The following OTOG variants were observed in gnomAD, a reference collection of about 807,000 sequenced individuals.
The protein encoded by OTOG is otogelin.
In OTOG, 296 loss-of-function variants were observed where a neutral mutation model predicts 313.8. The ratio of observed to expected loss-of-function variants is 0.94; its 90% CI spans 0.86 to 1.04. The LOEUF (loss-of-function observed/expected upper bound fraction) is 1.04, where lower values mean the gene tolerates loss of function less well. Ranked by LOEUF, OTOG falls within the 50% of genes least tolerant of loss-of-function variation. The pLI, the probability that OTOG is intolerant of heterozygous loss-of-function variation, is 0.00. For missense variants in OTOG, 3,948 were observed against 3,840.1 expected (o/e 1.03, Z -0.74); for synonymous variants, 1,533 against 1,554.9 (o/e 0.99, Z 0.33).
chr11:17,605,809 C>T (rs1383531709), intron 32 of OTOG, 48 bp from the exon 33 acceptor site: 2 of 1,489,162 alleles, frequency 1.3e-6, no homozygotes, highest in African/African-American at 2.8e-5. Flanking sequence ...TTCCCGCAGC[C>T]ACCTGGACCT....
intron 23 of OTOG, 135 bp downstream of exon 23, chr11:17,578,661 G>A: frequency 1.7e-6 from 2 of 1,156,562 alleles, no homozygotes; most frequent in Non-Finnish European, 2.3e-6. Flanking sequence ...AGCCACAGCT[G>A]TAATGGCCAG....
At chr11:17,612,456 C>T (rs1005539966) in intron 37 of OTOG, 126 bp downstream of exon 37, 180 of 1,391,736 alleles carry the variant, frequency 1.3e-4, no homozygotes, top group Non-Finnish European at 1.5e-4. Context: ...AGATTTCCTA[C>T]GCTTGTGACC....
At position 17,634,201 on chromosome 11, in the gene OTOG, G is replaced by A. The variant is rs61743165; in HGVS notation, c.7400G>A (p.Arg2467His). ...VPVDLGCPSPRPESCLRFGEV... is the reference protein window; with the variant it reads ...VPVDLGCPSPHPESCLRFGEV... ...GTGGATCTGGGCTGCCCCAGTCCCC[G>A]CCCTGAGAGCTGCCTGCGATTCGGG... The change falls in exon 44 of 56, where the codon CGC (arginine) becomes CAC (histidine). Residue 2467 changes from arginine (R) to histidine (H), a missense_variant. Physicochemically the swap from Arg to His is conservative, Grantham distance 29 (BLOSUM62 0). Transcript: ENST00000399397. 0.038 allele frequency: 59,662 copies of A among 1,550,382 alleles called. 1,366 individuals are homozygous for A. Among genetic ancestry groups the A allele is most frequent in the South Asian group, 0.085 (7,128 of 84,046 alleles).
chr11:17,611,375 G>A lies in OTOG; in HGVS notation c.6075G>A (p.Ala2025=), dbSNP rs562628744. ...APALSIVEGL[A]EALATTTEAN... is the part of the protein sequence containing the mutation. ...CCCTGAGCATCGTAGAGGGTTTGGCGGAGGCTTTGGCAACTACCACTGAGG... is the reference window on the plus strand; with the variant it reads ...CCCTGAGCATCGTAGAGGGTTTGGCAGAGGCTTTGGCAACTACCACTGAGG... Residue 2025 remains alanine, a synonymous_variant, in exon 36 of 56, where the codon GCG becomes GCA. Coordinates refer to ENST00000399397, the MANE Select transcript of OTOG (RefSeq NM_001292063.2). 35 of 1,543,388 alleles carry A rather than the reference G, an allele frequency of 2.3e-5. No homozygotes were observed. The Admixed American group carries it at 3.4e-4, about 15-fold the overall frequency.
Position 17,586,554 on chromosome 11 carries a change from AC to A in OTOG, c.2842del (p.Gln948ArgfsTer2). On this transcript the variant is annotated frameshift_variant, in exon 24 of 56. Coordinates refer to ENST00000399397, the MANE Select transcript of OTOG (RefSeq NM_001292063.2). LOFTEE classifies it high-confidence loss of function. ...AAGGGGAAGGAGTATTTCCCTGGGG[AC>A]CAGGTGATGTCTCCTTGCCATACCT... ...TWKGKEYFPG[D>X]QVMSPCHTCV... The A allele has an allele frequency of 7.0e-7, 1 of 1,423,478 alleles. No individual in the cohort carries two copies. Among genetic ancestry groups the A allele is most frequent in the Non-Finnish European group, 9.2e-7 (1 of 1,084,112 alleles). The allele number at this position is 1,423,478 out of a possible 1,614,324, so 88.2% of individuals were successfully genotyped here.
intron 7 of OTOG, 77 bp downstream of exon 7, chr11:17,555,974 C>G (rs1200222919): frequency 1.7e-6 from 2 of 1,160,724 alleles, no homozygotes; most frequent in Non-Finnish European, 1.2e-6. Flanking sequence ...ATCCGCTCTT[C>G]TCAAGCCCAA....
chr11:17,631,665 A>G, intron 40 of OTOG, 37 bp from the exon 41 acceptor site: 1 of 1,497,518 alleles, frequency 6.7e-7, no homozygotes, highest in African/African-American at 1.4e-5. Context: ...AGTGGTAGTG[A>G]TGATCGTGGC....
In OTOG at chr11:17,605,940, A is replaced by G. The variant is rs1333052443; in HGVS notation, c.3961A>G (p.Lys1321Glu). The change falls in exon 33 of 56, where the codon AAG becomes GAG. Residue 1321 changes from lysine (K) to glutamate (E), a missense_variant. Physicochemically the swap from Lys to Glu is moderately conservative, Grantham distance 56. Coordinates refer to ENST00000399397, the MANE Select transcript of OTOG (RefSeq NM_001292063.2). The part of the protein sequence containing the change: ...VTANGSLELA[K>E]WQGRDTFQQH... Reference sequence around the variant, plus strand: ...AGCCAACGGGTCTCTGGAGCTGGCTAAGTGGCAGGGCCGTGACACCTTCCA... The same window carrying G: ...AGCCAACGGGTCTCTGGAGCTGGCTGAGTGGCAGGGCCGTGACACCTTCCA... 1 of 1,550,496 alleles carries G rather than the reference A, an allele frequency of 6.4e-7. No homozygotes were observed. Among genetic ancestry groups the G allele is most frequent in the Non-Finnish European group, 8.7e-7 (1 of 1,146,988 alleles).
intron 24 of OTOG, among the ~76,000 whole-genome samples, chr11:17,586,814 A>G (rs1166407591): frequency 6.6e-6 from 1 of 152,248 alleles, no homozygotes; most frequent in Non-Finnish European, 1.5e-5. Context: ...ATGAATGTGT[A>G]TACATGCATA....
chr11:17,559,169 C>A lies in OTOG; in HGVS notation c.1213+8C>A. 6.5e-7 allele frequency: 1 copy of A among 1,532,464 alleles called. No individual in the cohort carries two copies. The highest frequency in any genetic ancestry group is 2.0e-5 in the Admixed American group (1 of 50,842). 94.9% of individuals were successfully genotyped at this position (1,532,464 alleles called of 1,614,324 possible). A position where few individuals can be genotyped will look rare whatever the true frequency, so the allele number is the denominator to read the frequency against. On this transcript the variant is annotated splice_region_variant and intron_variant, in intron 11 of 55. Coordinates refer to ENST00000399397, the MANE Select transcript of OTOG (RefSeq NM_001292063.2). ...CCCAGCTCCGGCAATGCAGTAGGTG[C>A]AGCCCAGTAGTGGGGCAGGGAGGCC...
At position 17,610,864 on chromosome 11, in the gene OTOG, C is replaced by G; in HGVS notation, c.5564C>G (p.Ala1855Gly). Residue 1855 changes from alanine (A) to glycine (G), a missense_variant, in exon 36 of 56, where the codon GCA becomes GGA. Ala to Gly is a moderately conservative substitution (Grantham distance 60). Transcript: ENST00000399397. ...LSPVLPFTPA[A>G]MTQAHPPTHI... is the part of the protein sequence containing the mutation. ...CCAGTACTGCCTTTCACTCCAGCAG[C>G]AATGACCCAGGCGCACCCACCCACT... 2.6e-6 allele frequency: 4 copies of G among 1,550,936 alleles called. No individual in the cohort carries two copies. Among genetic ancestry groups the G allele is most frequent in the Non-Finnish European group, 3.5e-6 (4 of 1,147,030 alleles).
At chr11:17,575,895 T>G (rs1047492390) in intron 20 of OTOG, among the ~76,000 whole-genome samples, 2 of 152,156 alleles carry the variant, frequency 1.3e-5, no homozygotes, top group Admixed American at 1.3e-4. Context: ...GTCCGGTCCA[T>G]AACTCACTGC....
Position 17,576,629 on chromosome 11 carries a change from TG to T in OTOG, c.2561+1del, listed in dbSNP as rs1852533572. 6.5e-7 allele frequency: 1 copy of T among 1,549,170 alleles called. No homozygotes were observed. The highest frequency in any genetic ancestry group is 1.7e-4 in the Middle Eastern group (1 of 5,990). ...CAGTGACATCCCATCCCTGGGCCAC[TG>T]GTGAGCTCCGTAGGTAGCAGCCTTC... is the stretch of plus-strand genomic sequence containing the variant. ...GDSDIPSLGH[C>X]HCKDGVMSCD... On this transcript the variant is annotated frameshift_variant and splice_region_variant, in exon 21 of 56. Coordinates refer to ENST00000399397, the MANE Select transcript of OTOG (RefSeq NM_001292063.2). LOFTEE classifies it high-confidence loss of function.
chr11:17,609,379 C>T (rs1464885774), intron 35 of OTOG, among the ~76,000 whole-genome samples, 170 bp downstream of exon 35: 6 of 152,130 alleles, frequency 3.9e-5, no homozygotes, highest in Admixed American at 3.3e-4. Flanking sequence ...CCGGTCTATT[C>T]GCCCCATTTC....
intron 28 of OTOG, 66 bp downstream of exon 28, chr11:17,594,232 G>A (rs930446951): frequency 4.3e-5 from 67 of 1,541,578 alleles, no homozygotes; most frequent in African/African-American, 9.6e-5. Flanking sequence ...CACTGAACCC[G>A]GCCCAAGGTC....
At position 17,606,695 on chromosome 11, in the gene OTOG, C is replaced by T. The variant is rs575615881; in HGVS notation, c.4156+560C>T. ...TTCTCTGCCTAAACCCTGGAGAAGG[C>T]GATCATAATTTCTTCACTGTTTTCT... On this transcript the variant is annotated intron_variant, in intron 33 of 55. Coordinates refer to ENST00000399397, the MANE Select transcript of OTOG (RefSeq NM_001292063.2). 3.9e-4 allele frequency among the ~76,000 whole-genome samples: 60 copies of T among 152,318 alleles called. No individual in the cohort carries two copies. The South Asian group carries it at 0.012, about 31-fold the overall frequency.
chr11:17,639,338 C>G, intron 48 of OTOG, 85 bp from the exon 49 acceptor site: 5 of 1,423,840 alleles, frequency 3.5e-6, no homozygotes, highest in Non-Finnish European at 4.8e-6. Flanking sequence ...ACGGGTTGTG[C>G]CAGCAGTGAG....
At chr11:17,626,630 AG>A (rs1215651461) in intron 39 of OTOG, among the ~76,000 whole-genome samples, 1 of 152,092 alleles carries the variant, frequency 6.6e-6, no homozygotes. Context: ...TGTATATTTT[AG>A]GGTTGTTTTT....
intron 33 of OTOG, among the ~76,000 whole-genome samples, chr11:17,606,842 C>T (rs747913153): frequency 1.2e-4 from 19 of 152,220 alleles, no homozygotes; most frequent in Non-Finnish European, 2.4e-4. Context: ...CAAGCCAGGG[C>T]TGGGTGAGCT....
Sources: gnomAD v4.1 joint callset for allele counts (sites outside exome capture counted in the v4.1 genomes callset) on GRCh38, gnomAD v4.1.1 for gene constraint, MANE v1.5 for transcripts, NCBI Gene and HGNC (gene_info 2026-07-23, HGNC 2026-07-21) for gene names.